Variants in SH3KBP1 observed in about 807,000 individuals in gnomAD.
The protein encoded by SH3KBP1 is SH3 domain-containing kinase-binding protein 1.
In SH3KBP1, 8 loss-of-function variants were observed where a neutral mutation model predicts 50.1. The ratio of observed to expected loss-of-function variants is 0.16; its 90% CI spans 0.09 to 0.29. SH3KBP1 has a LOEUF of 0.29. Among genes scored for constraint, SH3KBP1 ranks in the 10% least tolerant of loss-of-function variants. The probability of loss-of-function intolerance (pLI) is 1.00; values close to 1 mark genes in which losing one functional copy is unlikely to be tolerated. For missense variants in SH3KBP1, 377 were observed against 535.2 expected (o/e 0.70, Z 2.92); for synonymous variants, 227 against 218.6 (o/e 1.04, Z -0.34).
In SH3KBP1 at chrX:19,535,297, G is replaced by A. The variant is rs568500113; in HGVS notation, c.*1120C>T. 6 of 228,810 alleles carry A rather than the reference G, an allele frequency of 2.6e-5. No homozygotes were observed. Among genetic ancestry groups the A allele is most frequent in the African/African-American group, 1.1e-4 (4 of 35,207 alleles). The allele number at this position is 228,810 out of a possible 1,213,427, so 18.9% of individuals were successfully genotyped here. A position where few individuals can be genotyped will look rare whatever the true frequency, so the allele number is the denominator to read the frequency against. On this transcript the variant is annotated 3_prime_UTR_variant, in exon 18 of 18. Coordinates refer to ENST00000397821, the MANE Select transcript of SH3KBP1 (RefSeq NM_031892.3). ...ACCCTCCTCCCATTCTCTTGGACCT[G>A]AGGAAGGGGTTACAAGTGAGCAAGG...
chrX:19,686,071 G>T (rs770075662), intron 5 of SH3KBP1, among the ~76,000 whole-genome samples: 1 of 111,438 alleles, frequency 9.0e-6, no homozygotes, highest in Non-Finnish European at 1.9e-5. Flanking sequence ...TAATCACCGT[G>T]AGAAATACTC....
chrX:19,844,732 T>C (rs2068316087), intron 1 of SH3KBP1, among the ~76,000 whole-genome samples: 1 of 111,804 alleles, frequency 8.9e-6, no homozygotes, highest in Non-Finnish European at 1.9e-5. Flanking sequence ...CAAAGGGTTA[T>C]CAAACGCTTC....
chrX:19,826,484 G>C (rs2067674545), intron 2 of SH3KBP1, among the ~76,000 whole-genome samples: 1 of 109,768 alleles, frequency 9.1e-6, no homozygotes, highest in African/African-American at 3.3e-5. Flanking sequence ...AGGGCAACCA[G>C]CGTGGGCAAC....
At chrX:19,850,694 C>G (rs1265435575) in intron 1 of SH3KBP1, among the ~76,000 whole-genome samples, 2 of 111,139 alleles carry the variant, frequency 1.8e-5, no homozygotes, top group Admixed American at 9.6e-5. Flanking sequence ...GAATTGCGTG[C>G]TGAAACATGA....
At chrX:19,779,687 T>C (rs2066104818) in intron 2 of SH3KBP1, among the ~76,000 whole-genome samples, 1 of 105,429 alleles carries the variant, frequency 9.5e-6, no homozygotes, top group Admixed American at 1.0e-4. Context: ...GTTTGGTTTT[T>C]TGTTCTTACA....
chrX:19,715,510 T>G (rs961325365), intron 3 of SH3KBP1, among the ~76,000 whole-genome samples: 1 of 111,304 alleles, frequency 9.0e-6, no homozygotes, highest in Non-Finnish European at 1.9e-5. Flanking sequence ...CTCTAGAGAT[T>G]CAAATGTCAA....
At chrX:19,856,417 A>G (rs2068643629) in intron 1 of SH3KBP1, among the ~76,000 whole-genome samples, 1 of 111,862 alleles carries the variant, frequency 8.9e-6, no homozygotes. Flanking sequence ...TTATTTTAGA[A>G]TGAAATGATA....
intron 2 of SH3KBP1, among the ~76,000 whole-genome samples, chrX:19,753,289 C>A (rs899180837): frequency 8.9e-6 from 1 of 111,963 alleles, no homozygotes; most frequent in African/African-American, 3.3e-5. Context: ...TCCTTTAGAC[C>A]CAGACGTGGC....
intron 4 of SH3KBP1, among the ~76,000 whole-genome samples, chrX:19,699,698 G>A (rs2063501546): frequency 8.9e-6 from 1 of 112,078 alleles, no homozygotes; most frequent in Admixed American, 9.4e-5. Context: ...GCATCTAAGT[G>A]GGTTCAGGGT....
At chrX:19,697,362 G>C (rs1316938667) in intron 4 of SH3KBP1, among the ~76,000 whole-genome samples, 1 of 112,122 alleles carries the variant, frequency 8.9e-6, no homozygotes, top group Non-Finnish European at 1.9e-5. Context: ...AAACTTAGTA[G>C]TTGTGTGACG....
chrX:19,635,043 C>T (rs764251927), intron 7 of SH3KBP1, among the ~76,000 whole-genome samples: 1 of 111,299 alleles, frequency 9.0e-6, no homozygotes, highest in East Asian at 2.8e-4. Context: ...TAGTCACAGG[C>T]ACTATCACCC....
chrX:19,749,586 A>G (rs1428381188), intron 2 of SH3KBP1, among the ~76,000 whole-genome samples: 1 of 112,902 alleles, frequency 8.9e-6, no homozygotes, highest in Non-Finnish European at 1.9e-5. Context: ...GTATGAGTCC[A>G]CCTATGTGAA....
chrX:19,756,357 C>T (rs1380053966), intron 2 of SH3KBP1, among the ~76,000 whole-genome samples: 1 of 111,130 alleles, frequency 9.0e-6, no homozygotes, highest in Non-Finnish European at 1.9e-5. Context: ...CACAGCTGGT[C>T]CTCTCAAAGA....
At position 19,640,536 on chromosome X, in the gene SH3KBP1, G is replaced by A. The variant is rs1211411527; in HGVS notation, c.802+4864C>T. Among the ~76,000 whole-genome samples, 12 of 102,020 alleles carry A rather than the reference G, an allele frequency of 1.2e-4. 1 individual carries two copies. The Admixed American group carries it at 1.3e-3, about 11-fold the overall frequency. The allele number at this position is 102,020 out of a possible 115,157, so 88.6% of individuals were successfully genotyped here. A position where few individuals can be genotyped will look rare whatever the true frequency, so the allele number is the denominator to read the frequency against. On this transcript the variant is annotated intron_variant, in intron 7 of 17. Transcript: ENST00000397821. ...CTTTTGCTTGGTGTAACATCCACAC[G>A]TCCCCCGGTGTGCAGTCTCCCTGGT...
At chrX:19,706,112 T>A (rs778300203) in intron 4 of SH3KBP1, among the ~76,000 whole-genome samples, 23 of 111,840 alleles carry the variant, frequency 2.1e-4, no homozygotes, top group African/African-American at 7.5e-4. Context: ...CTAGCTTCCT[T>A]TTCTATGAAT....
chrX:19,549,937 A>C (rs1321661083), intron 14 of SH3KBP1, 37 bp downstream of exon 14: 1 of 987,235 alleles, frequency 1.0e-6, no homozygotes. Flanking sequence ...TCCGCTGTAG[A>C]GAAGTAAGGG....
chrX:19,590,191 T>C (rs1453740269), intron 11 of SH3KBP1, among the ~76,000 whole-genome samples: 1 of 112,020 alleles, frequency 8.9e-6, no homozygotes, highest in Admixed American at 9.4e-5. Flanking sequence ...CAATCAGGAA[T>C]GCTGGCAACT....
intron 3 of SH3KBP1, among the ~76,000 whole-genome samples, chrX:19,737,188 A>T (rs1180015535): frequency 9.0e-6 from 1 of 111,541 alleles, no homozygotes; most frequent in East Asian, 2.8e-4. Context: ...TTGGGATTAC[A>T]GGTGTAAGTC....
At chrX:19,657,727 A>AAATAAT (rs766687828) in intron 6 of SH3KBP1, among the ~76,000 whole-genome samples, 43 of 107,922 alleles carry the variant, frequency 4.0e-4, no homozygotes, top group East Asian at 8.6e-4. Context: ...ACTCCATCTA[A>AAATAAT]AATAATAATA....
Sources: allele counts gnomAD v4.1 joint callset (sites outside exome capture counted in the v4.1 genomes callset), GRCh38; gene constraint gnomAD v4.1.1; transcripts MANE v1.5; gene names NCBI Gene and HGNC (gene_info 2026-07-23, HGNC 2026-07-21).